Variants in CPA6 observed in about 807,000 individuals in gnomAD.
CPA6 encodes carboxypeptidase B.
CPA6 carries 58 observed loss-of-function variants against 63.3 expected under a neutral mutation model. The ratio of observed to expected loss-of-function variants is 0.92; its 90% CI spans 0.74 to 1.14. The LOEUF (loss-of-function observed/expected upper bound fraction) is 1.14, where lower values mean the gene tolerates loss of function less well. Among genes scored for constraint, CPA6 ranks in the 50% most tolerant of loss-of-function variants. The pLI is 0.00. For missense variants in CPA6, 565 were observed against 526.6 expected, an observed-to-expected ratio of 1.07 and a Z score of -0.71; for synonymous variants, 185 against 179.0, an observed-to-expected ratio of 1.03 and a Z score of -0.27.
intron 2 of CPA6, among the ~76,000 whole-genome samples, chr8:67,572,040 T>C (rs1392620553): frequency 6.6e-6 from 1 of 151,694 alleles, no homozygotes; most frequent in Non-Finnish European, 1.5e-5. Context: ...TAAGAGACTA[T>C]CATGAAAAAT....
intron 1 of CPA6, among the ~76,000 whole-genome samples, chr8:67,640,216 C>T (rs1463870416): frequency 6.6e-6 from 1 of 151,226 alleles, no homozygotes; most frequent in Non-Finnish European, 1.5e-5. Context: ...TGGGGCTTCA[C>T]CAGGGACCTG....
At chr8:67,434,538 T>C (rs910859937) in intron 8 of CPA6, among the ~76,000 whole-genome samples, 1 of 152,208 alleles carries the variant, frequency 6.6e-6, no homozygotes, top group Non-Finnish European at 1.5e-5. Flanking sequence ...ACCTAGCAGC[T>C]AGAACAATAG....
chr8:67,605,498 T>C (rs1236018144), intron 2 of CPA6, among the ~76,000 whole-genome samples: 1 of 151,880 alleles, frequency 6.6e-6, no homozygotes, highest in African/African-American at 2.4e-5. Flanking sequence ...GCTGTTATAT[T>C]TTAAAAATTT....
chr8:67,550,293 G>A (rs749985991), intron 2 of CPA6, among the ~76,000 whole-genome samples: 2 of 152,094 alleles, frequency 1.3e-5, no homozygotes, highest in African/African-American at 4.8e-5. Context: ...AGAACATGTG[G>A]TTTGGTTTTC....
chr8:67,596,171 C>T (rs1814329614), intron 2 of CPA6, among the ~76,000 whole-genome samples: 1 of 152,186 alleles, frequency 6.6e-6, no homozygotes, highest in South Asian at 2.1e-4. Flanking sequence ...TATACCTTCT[C>T]CCGAGGAACA....
intron 2 of CPA6, among the ~76,000 whole-genome samples, chr8:67,595,677 C>G (rs900664411): frequency 6.6e-6 from 1 of 152,204 alleles, no homozygotes; most frequent in Admixed American, 6.5e-5. Context: ...GGGTGTAGGA[C>G]CTTCCGAGCC....
intron 2 of CPA6, among the ~76,000 whole-genome samples, chr8:67,556,005 A>G (rs1813051547): frequency 6.6e-6 from 1 of 152,184 alleles, no homozygotes. Context: ...TCCATCTGCC[A>G]TGGTAACTGG....
chr8:67,658,787 G>C (rs545385971), intron 1 of CPA6, among the ~76,000 whole-genome samples: 1 of 152,068 alleles, frequency 6.6e-6, no homozygotes, highest in Non-Finnish European at 1.5e-5. Flanking sequence ...GTCTTTGAAA[G>C]TTCCTTCTTT....
intron 1 of CPA6, among the ~76,000 whole-genome samples, chr8:67,683,861 G>A (rs1285336988): frequency 6.6e-6 from 1 of 151,442 alleles, no homozygotes; most frequent in Non-Finnish European, 1.5e-5. Flanking sequence ...GTCTTGCTCT[G>A]TTGCCCAGGC....
chr8:67,591,698 G>T (rs187729280), intron 2 of CPA6, among the ~76,000 whole-genome samples: 135 of 152,190 alleles, frequency 8.9e-4, no homozygotes, highest in Non-Finnish European at 1.8e-3. Flanking sequence ...GTCTGTTATT[G>T]GTGTATAAGA....
intron 1 of CPA6, among the ~76,000 whole-genome samples, chr8:67,742,398 C>G (rs1817929946): frequency 6.6e-6 from 1 of 152,054 alleles, no homozygotes; most frequent in South Asian, 2.1e-4. Flanking sequence ...GAATAAGTGG[C>G]AGAGTGAGAA....
intron 2 of CPA6, among the ~76,000 whole-genome samples, chr8:67,614,538 C>CAA (rs1349033105): frequency 6.6e-6 from 1 of 152,200 alleles, no homozygotes; most frequent in Non-Finnish European, 1.5e-5. Flanking sequence ...AGTTCAGACC[C>CAA]ACATGAAACT....
intron 3 of CPA6, among the ~76,000 whole-genome samples, chr8:67,517,385 C>T (rs967126962): frequency 2.6e-5 from 4 of 152,166 alleles, no homozygotes; most frequent in African/African-American, 9.7e-5. Context: ...CATGTGCCTC[C>T]TTTGCAATGG....
At chr8:67,535,365 T>A (rs528212447) in intron 2 of CPA6, among the ~76,000 whole-genome samples, 1 of 152,152 alleles carries the variant, frequency 6.6e-6, no homozygotes, top group Non-Finnish European at 1.5e-5. Flanking sequence ...CTCTCCAGCA[T>A]CTGTTGTTTC....
chr8:67,632,965 T>C (rs1815377985), intron 1 of CPA6, among the ~76,000 whole-genome samples: 1 of 152,240 alleles, frequency 6.6e-6, no homozygotes, highest in Non-Finnish European at 1.5e-5. Context: ...TCATTTACTG[T>C]GTCCTTATTT....
chr8:67,581,375 GGCACTATTACAATAGT>G (rs1274556309), intron 2 of CPA6, among the ~76,000 whole-genome samples: 2 of 152,238 alleles, frequency 1.3e-5, no homozygotes, highest in East Asian at 3.9e-4. Context: ...AGTACATAAA[GGCACTATTACAATAGT>G]GCTAGTTGAT....
intron 6 of CPA6, among the ~76,000 whole-genome samples, chr8:67,495,478 C>A (rs946306811): frequency 5.9e-5 from 9 of 152,128 alleles, no homozygotes; most frequent in Non-Finnish European, 1.5e-5. Flanking sequence ...GAATGAATAT[C>A]TGCTTTGAAA....
chr8:67,445,354 T>C (rs933017949), intron 8 of CPA6, among the ~76,000 whole-genome samples: 2 of 152,174 alleles, frequency 1.3e-5, no homozygotes, highest in Non-Finnish European at 2.9e-5. Context: ...AGCAACCAGG[T>C]GGAGTGACAG....
rs543198025 is a variant in CPA6, at chr8:67,507,021, G to A, written c.535-133C>T. ...GTAATGCATAAAAAGGACAAAGGGA[G>A]TTCCTATCTATCTCGAAAGTCCAGG... On this transcript the variant is annotated intron_variant, in intron 5 of 10. Transcript: ENST00000297770. 6.7e-5 allele frequency: 39 copies of A among 584,218 alleles called. No homozygotes were observed. In the South Asian group the frequency reaches 8.9e-4, roughly 13 times the overall value. The allele number at this position is 584,218 out of a possible 1,614,324, so 36.2% of individuals were successfully genotyped here.
Sources: allele counts gnomAD v4.1 joint callset (sites outside exome capture counted in the v4.1 genomes callset), GRCh38; gene constraint gnomAD v4.1.1; transcripts MANE v1.5; gene names NCBI Gene and HGNC (gene_info 2026-07-23, HGNC 2026-07-21).